The following AGBL1 variants were observed in gnomAD, a reference collection of about 807,000 sequenced individuals.
The protein encoded by AGBL1 is cytosolic carboxypeptidase 4.
In AGBL1, 130 loss-of-function variants were observed where a neutral mutation model predicts 118.9. That is an observed-to-expected ratio of 1.09 (90% CI 0.95 to 1.26). The LOEUF is 1.26. AGBL1 is among the 50% of genes most tolerant of loss of function. The probability of loss-of-function intolerance (pLI) is 0.00; values close to 1 mark genes in which losing one functional copy is unlikely to be tolerated. For missense variants in AGBL1, 1,584 were observed against 1,298.1 expected (o/e 1.22, Z -3.38); for synonymous variants, 555 against 478.9 (o/e 1.16, Z -2.08).
At chr15:86,338,430 T>G (rs4887435) in intron 17 of AGBL1, among the ~76,000 whole-genome samples, 1 of 151,692 alleles carries the variant, frequency 6.6e-6, no homozygotes, top group Non-Finnish European at 1.5e-5. Flanking sequence ...CTTTGAGTGA[T>G]TTGGCACCAT....
At chr15:86,626,657 T>G (rs2084891078) in intron 21 of AGBL1, among the ~76,000 whole-genome samples, 1 of 150,756 alleles carries the variant, frequency 6.6e-6, no homozygotes, top group South Asian at 2.1e-4. Context: ...TTAAAACTTG[T>G]TTTTTTTTAA....
intron 1 of AGBL1, among the ~76,000 whole-genome samples, chr15:86,139,576 T>C (rs1005525113): frequency 2.6e-5 from 4 of 151,480 alleles, no homozygotes; most frequent in East Asian, 2.0e-4. Flanking sequence ...CTGGTTAACA[T>C]GGTGGAAACT....
chr15:86,729,864 C>A (rs1755300254), intron 22 of AGBL1, among the ~76,000 whole-genome samples: 1 of 152,144 alleles, frequency 6.6e-6, no homozygotes, highest in Non-Finnish European at 1.5e-5. Flanking sequence ...TTCCACAATG[C>A]CTCAACTAAT....
chr15:86,843,682 A>G (rs1426144894), intron 22 of AGBL1, among the ~76,000 whole-genome samples: 1 of 152,204 alleles, frequency 6.6e-6, no homozygotes, highest in African/African-American at 2.4e-5. Context: ...TTTGATGGCT[A>G]GACCTTGACC....
At chr15:86,889,529 G>C (rs1309981973) in intron 22 of AGBL1, among the ~76,000 whole-genome samples, 3 of 152,056 alleles carry the variant, frequency 2.0e-5, no homozygotes. Flanking sequence ...TATTCTTCCT[G>C]ATGCTCTCCC....
chr15:86,337,553 G>T (rs2080392415), intron 17 of AGBL1, among the ~76,000 whole-genome samples: 1 of 152,200 alleles, frequency 6.6e-6, no homozygotes, highest in Admixed American at 6.5e-5. Flanking sequence ...CATATCCTTT[G>T]CAGGGACATG....
At chr15:86,653,918 A>T (rs1404266552) in intron 21 of AGBL1, among the ~76,000 whole-genome samples, 1 of 152,132 alleles carries the variant, frequency 6.6e-6, no homozygotes, top group African/African-American at 2.4e-5. Context: ...AACTTTGTGA[A>T]GGAGCTGCAA....
intron 16 of AGBL1, among the ~76,000 whole-genome samples, chr15:86,294,150 C>T (rs184843961): frequency 1.3e-5 from 2 of 152,116 alleles, no homozygotes; most frequent in African/African-American, 4.8e-5. Context: ...GTAATCCCAG[C>T]ACTTTGGGAG....
chr15:86,231,090 C>A (rs1043968918), intron 6 of AGBL1, among the ~76,000 whole-genome samples: 6 of 152,164 alleles, frequency 3.9e-5, no homozygotes, highest in African/African-American at 1.2e-4. Context: ...GTTCATAGAA[C>A]CTTATGTTTA....
At chr15:86,285,876 G>A (rs2079435746) in intron 16 of AGBL1, among the ~76,000 whole-genome samples, 1 of 152,168 alleles carries the variant, frequency 6.6e-6, no homozygotes, top group Non-Finnish European at 1.5e-5. Flanking sequence ...GTGCTCATGT[G>A]CCCTATGATA....
intron 22 of AGBL1, among the ~76,000 whole-genome samples, chr15:86,846,073 T>C (rs925653373): frequency 6.6e-6 from 1 of 152,242 alleles, no homozygotes; most frequent in African/African-American, 2.4e-5. Context: ...GGTAGTCTTT[T>C]GGATGACAAT....
intron 20 of AGBL1, among the ~76,000 whole-genome samples, chr15:86,552,420 C>T (rs937159055): frequency 3.3e-5 from 5 of 152,182 alleles, no homozygotes; most frequent in African/African-American, 9.6e-5. Flanking sequence ...TAAACTTTTG[C>T]GACATGGTAT....
At chr15:87,012,056 G>C (rs11852279) in intron 24 of AGBL1, among the ~76,000 whole-genome samples, 15,666 of 152,098 alleles carry the variant, frequency 0.1, 1,617 homozygotes, top group African/African-American at 0.27. Flanking sequence ...AGGCTACTAT[G>C]TCCAATTTTT....
chr15:86,130,976 G>T (rs1455460385), intron 1 of AGBL1, among the ~76,000 whole-genome samples: 2 of 152,102 alleles, frequency 1.3e-5, no homozygotes, highest in Non-Finnish European at 2.9e-5. Context: ...CCATTATTTG[G>T]TTGACATTTA....
chr15:86,328,768 C>T (rs1350851161), intron 17 of AGBL1, among the ~76,000 whole-genome samples: 1 of 152,150 alleles, frequency 6.6e-6, no homozygotes, highest in African/African-American at 2.4e-5. Context: ...TTTTGTTTCT[C>T]CCAAGCCCTA....
chr15:86,389,237 G>A (rs879374640), intron 17 of AGBL1, among the ~76,000 whole-genome samples: 1 of 152,008 alleles, frequency 6.6e-6, no homozygotes, highest in Non-Finnish European at 1.5e-5. Flanking sequence ...AAAACATGTA[G>A]AAAGAACACA....
At chr15:86,677,691 G>A (rs1453083317) in intron 22 of AGBL1, among the ~76,000 whole-genome samples, 2 of 152,080 alleles carry the variant, frequency 1.3e-5, no homozygotes, top group Non-Finnish European at 2.9e-5. Context: ...CACCTCCCGT[G>A]TTCTCCGAAA....
At chr15:86,526,518 A>G (rs1465534713) in intron 19 of AGBL1, among the ~76,000 whole-genome samples, 1 of 143,696 alleles carries the variant, frequency 7.0e-6, no homozygotes, top group African/African-American at 2.6e-5. Flanking sequence ...ATATATAAAT[A>G]TGCACACAGA....
At chr15:86,825,807 G>T (rs545618114) in intron 22 of AGBL1, among the ~76,000 whole-genome samples, 3 of 151,350 alleles carry the variant, frequency 2.0e-5, no homozygotes, top group Non-Finnish European at 2.9e-5. Flanking sequence ...TTAAGTGATA[G>T]CACTAAATAT....
Sources: allele counts gnomAD v4.1 joint callset (sites outside exome capture counted in the v4.1 genomes callset), GRCh38; gene constraint gnomAD v4.1.1; transcripts MANE v1.5; gene names NCBI Gene and HGNC (gene_info 2026-07-23, HGNC 2026-07-21).